SPON1: variants seen among roughly 807,000 people sequenced by gnomAD.
SPON1 encodes spondin 1.
In SPON1, 52 loss-of-function variants were observed where a neutral mutation model predicts 111.7. The ratio of observed to expected loss-of-function variants is 0.47; its 90% CI spans 0.37 to 0.59. SPON1 has a LOEUF of 0.59. Among genes scored for constraint, SPON1 ranks in the 20% least tolerant of loss-of-function variants. The probability of loss-of-function intolerance (pLI) is 0.00; values close to 1 mark genes in which losing one functional copy is unlikely to be tolerated. For missense variants in SPON1, 957 were observed against 1,068.5 expected, an observed-to-expected ratio of 0.90 and a Z score of 1.46; for synonymous variants, 410 against 395.8, an observed-to-expected ratio of 1.04 and a Z score of -0.43.
chr11:14,079,264 A>G (rs1220597133), intron 4 of SPON1, among the ~76,000 whole-genome samples: 1 of 152,204 alleles, frequency 6.6e-6, no homozygotes, highest in Non-Finnish European at 1.5e-5. Flanking sequence ...GGCTACTTCT[A>G]TACCCAGAAG....
At chr11:14,066,770 C>A (rs1554920391) in intron 3 of SPON1, among the ~76,000 whole-genome samples, 1 of 152,148 alleles carries the variant, frequency 6.6e-6, no homozygotes, top group African/African-American at 2.4e-5. Flanking sequence ...AGCACAGGGA[C>A]CCTCTGGTTC....
intron 6 of SPON1, among the ~76,000 whole-genome samples, chr11:14,143,976 A>G (rs1847688788): frequency 6.6e-6 from 1 of 152,218 alleles, no homozygotes; most frequent in African/African-American, 2.4e-5. Context: ...TTGTTACTTA[A>G]GAACCATGAA....
rs1340701955 is a variant in SPON1, at chr11:14,019,426, G to A, written c.346-22095G>A. The stretch of plus-strand genomic sequence containing the variant: ...ATACAATGTATATAAAATTGTATAT[G>A]ATTATATATATAATTTAGGTTCTAG... On this transcript the variant is annotated intron_variant, in intron 2 of 15. Transcript: ENST00000576479. Among the ~76,000 whole-genome samples the A allele has an allele frequency of 4.0e-5, 6 of 150,170 alleles. No individual in the cohort carries two copies. The South Asian group carries it at 6.3e-4, about 16-fold the overall frequency.
chr11:14,251,985 A>C (rs1849058300), intron 7 of SPON1, among the ~76,000 whole-genome samples: 1 of 152,234 alleles, frequency 6.6e-6, no homozygotes, highest in South Asian at 2.1e-4. Context: ...TTCCTAATAA[A>C]GCATCTCATT....
At chr11:14,166,253 A>G (rs1848028356) in intron 6 of SPON1, among the ~76,000 whole-genome samples, 1 of 152,226 alleles carries the variant, frequency 6.6e-6, no homozygotes, top group Non-Finnish European at 1.5e-5. Flanking sequence ...CTGTGCTTAT[A>G]CAATTAACTA....
chr11:14,095,651 G>A (rs1278541752), intron 5 of SPON1, among the ~76,000 whole-genome samples: 2 of 152,150 alleles, frequency 1.3e-5, no homozygotes, highest in African/African-American at 4.8e-5. Context: ...CAAGCAGGCA[G>A]GCAGGGTGTA....
intron 1 of SPON1, among the ~76,000 whole-genome samples, chr11:13,972,045 T>A (rs1239350191): frequency 3.3e-5 from 5 of 152,242 alleles, no homozygotes; most frequent in African/African-American, 1.2e-4. Flanking sequence ...TTGAGATGTT[T>A]GTGAATAAAT....
At position 14,061,360 on chromosome 11, in the gene SPON1, G is replaced by T. The variant is rs16913571; in HGVS notation, c.480-13985G>T. On this transcript the variant is annotated intron_variant, in intron 3 of 15. Transcript: ENST00000576479. ...AACTATCATCTATCTGTCATTCTAT[G>T]TATCTATCATTCTATCCAATTATCC... 9.4e-3 allele frequency among the ~76,000 whole-genome samples: 1,426 copies of T among 152,274 alleles called. 57 individuals carry two copies. In the East Asian group the frequency reaches 0.1, roughly 11 times the overall value.
chr11:14,135,095 TA>T lies in SPON1; in HGVS notation c.677-324del, dbSNP rs1554927919. The T allele has an allele frequency of 5.1e-6, 1 of 194,934 alleles. No homozygotes were observed. Among genetic ancestry groups the T allele is most frequent in the African/African-American group, 2.3e-5 (1 of 43,486 alleles). 12.1% of individuals were successfully genotyped at this position (194,934 alleles called of 1,614,324 possible). A position where few individuals can be genotyped will look rare whatever the true frequency, so the allele number is the denominator to read the frequency against. Reference sequence around the variant, plus strand: ...GGGAGTCTGCCAGAACAGTCCTTTCTACTCTATTTTGCCTTACAAATATGAT... The same window carrying T: ...GGGAGTCTGCCAGAACAGTCCTTTCTCTCTATTTTGCCTTACAAATATGAT... On this transcript the variant is annotated intron_variant, in intron 5 of 15. Transcript: ENST00000576479. This position sits in a 1 kb window ranked among gnomAD's most constrained non-coding sequence, Gnocchi z 4.4.
At chr11:14,160,190 T>C (rs903685938) in intron 6 of SPON1, among the ~76,000 whole-genome samples, 5 of 150,366 alleles carry the variant, frequency 3.3e-5, no homozygotes, top group Non-Finnish European at 7.4e-5. Context: ...TTTTAAATTT[T>C]TTTTAAAAAG....
intron 5 of SPON1, among the ~76,000 whole-genome samples, chr11:14,122,685 GATATT>G (rs1338492976): frequency 4.6e-5 from 7 of 151,878 alleles, no homozygotes; most frequent in African/African-American, 1.7e-4. Flanking sequence ...TTCAAATACA[GATATT>G]ATATTTTTCA....
At chr11:14,151,137 C>T (rs1554929892) in intron 6 of SPON1, among the ~76,000 whole-genome samples, 1 of 152,202 alleles carries the variant, frequency 6.6e-6, no homozygotes, top group Non-Finnish European at 1.5e-5. Flanking sequence ...TTGTTCATTT[C>T]CCACCTCTGG....
intron 5 of SPON1, among the ~76,000 whole-genome samples, chr11:14,095,961 G>C (rs1277483492): frequency 6.6e-6 from 1 of 152,174 alleles, no homozygotes; most frequent in Admixed American, 6.5e-5. Flanking sequence ...CATCTCAGCT[G>C]TGCCACTGCC....
At chr11:14,188,779 T>C (rs1343791230) in intron 6 of SPON1, among the ~76,000 whole-genome samples, 2 of 152,212 alleles carry the variant, frequency 1.3e-5, no homozygotes, top group Admixed American at 1.3e-4. Context: ...GCCTGTCTTC[T>C]CATCTGTAAA....
In SPON1 at chr11:14,160,484, TATATATATATTTAC is replaced by T. The variant is rs1382324049; in HGVS notation, c.825+24930_825+24943del. 8.6e-3 allele frequency among the ~76,000 whole-genome samples: 58 copies of T among 6,740 alleles called. 9 individuals carry two copies. The highest frequency in any genetic ancestry group is 0.022 in the African/African-American group (40 of 1,852). The allele number at this position is 6,740 out of a possible 152,430, so 4.4% of individuals were successfully genotyped here. A position where few individuals can be genotyped will look rare whatever the true frequency, so the allele number is the denominator to read the frequency against. On this transcript the variant is annotated intron_variant, in intron 6 of 15. Coordinates refer to ENST00000576479, the MANE Select transcript of SPON1 (RefSeq NM_006108.4). ...ATATATATATTTATATATATATTTA[TATATATATATTTAC>T]ATATATATATTTATATATATATTTA...
intron 6 of SPON1, among the ~76,000 whole-genome samples, chr11:14,237,796 CTGA>C (rs1345257371): frequency 6.6e-6 from 1 of 152,218 alleles, no homozygotes; most frequent in Non-Finnish European, 1.5e-5. Context: ...TGAACATGGT[CTGA>C]TATTCTTCCA....
intron 6 of SPON1, among the ~76,000 whole-genome samples, chr11:14,197,531 G>A (rs782483749): frequency 6.8e-6 from 1 of 146,100 alleles, no homozygotes; most frequent in Non-Finnish European, 1.5e-5. Context: ...AAACAAGTGG[G>A]GGCTGCGCAT....
intron 2 of SPON1, among the ~76,000 whole-genome samples, chr11:13,984,794 A>G (rs1447493748): frequency 2.6e-5 from 4 of 152,196 alleles, no homozygotes; most frequent in Admixed American, 2.0e-4. Flanking sequence ...TGATTGGTGA[A>G]TACAGGGCCC....
chr11:14,047,765 G>A (rs1238472699), intron 3 of SPON1, among the ~76,000 whole-genome samples: 1 of 152,186 alleles, frequency 6.6e-6, no homozygotes, highest in Non-Finnish European at 1.5e-5. Context: ...GGCAGCCCTA[G>A]AAGACAGTAG....
Sources: allele counts gnomAD v4.1 joint callset (sites outside exome capture counted in the v4.1 genomes callset), GRCh38; gene constraint gnomAD v4.1.1; non-coding constraint Gnocchi (gnomAD v3.1); transcripts MANE v1.5; gene names NCBI Gene and HGNC (gene_info 2026-07-23, HGNC 2026-07-21).